ADGRL3: variants seen among roughly 807,000 people sequenced by gnomAD.
ADGRL3 encodes the protein adhesion G protein-coupled receptor L3.
In ADGRL3, 62 loss-of-function variants were observed where a neutral mutation model predicts 153.5. The ratio of observed to expected loss-of-function variants is 0.40; its 90% CI spans 0.33 to 0.50. The LOEUF (loss-of-function observed/expected upper bound fraction) is 0.50. Ranked by LOEUF, ADGRL3 falls within the 20% of genes least tolerant of loss-of-function variation. The pLI is 0.47. For missense variants in ADGRL3, 1,641 were observed against 1,859.4 expected (o/e 0.88, Z 2.16); for synonymous variants, 710 against 672.5 (o/e 1.06, Z -0.86).
In ADGRL3 at chr4:61,892,687, A is replaced by G; in HGVS notation, c.1512A>G (p.Gly504=). Residue 504 remains glycine (G), a synonymous_variant, in exon 10 of 27, where the codon GGA becomes GGG. Transcript: ENST00000683033. ...CTACCACAGGACCTCTTGGCATGGG[A>G]AGCACTACCACCAGTACCACCCTTC... ...DISTTGPLGM[G]STTTSTTLRT... The G allele has an allele frequency of 6.2e-7, 1 of 1,613,950 alleles. No individual in the cohort carries two copies. Among genetic ancestry groups the G allele is most frequent in the East Asian group, 2.2e-5 (1 of 44,876 alleles).
intron 8 of ADGRL3, among the ~76,000 whole-genome samples, chr4:61,771,219 T>G (rs2097082147): frequency 6.6e-6 from 1 of 152,190 alleles, no homozygotes; most frequent in Non-Finnish European, 1.5e-5. Flanking sequence ...GTGGGCATGT[T>G]TAGGCAAGAC....
intron 4 of ADGRL3, among the ~76,000 whole-genome samples, chr4:61,545,640 A>T: frequency 6.6e-6 from 1 of 152,050 alleles, no homozygotes; most frequent in East Asian, 1.9e-4. Flanking sequence ...CAGCTTCCTG[A>T]GTAGCTGGGA....
intron 9 of ADGRL3, among the ~76,000 whole-genome samples, chr4:61,845,120 A>C (rs983511427): frequency 6.6e-6 from 1 of 152,144 alleles, no homozygotes; most frequent in Non-Finnish European, 1.5e-5. Context: ...TCTGTTTGAT[A>C]ATCTTTATTA....
At chr4:61,579,193 T>A (rs1579644919) in intron 4 of ADGRL3, among the ~76,000 whole-genome samples, 1 of 152,226 alleles carries the variant, frequency 6.6e-6, no homozygotes, top group East Asian at 1.9e-4. Flanking sequence ...TTATGTGTAA[T>A]AATTCCCAGC....
At chr4:61,445,938 T>C (rs1361513376) in intron 2 of ADGRL3, among the ~76,000 whole-genome samples, 2 of 152,310 alleles carry the variant, frequency 1.3e-5, no homozygotes, top group South Asian at 2.1e-4. Flanking sequence ...ACACAAATAC[T>C]TAGCAGTGTG....
At chr4:61,496,873 G>T (rs548246912) in intron 2 of ADGRL3, among the ~76,000 whole-genome samples, 2 of 145,156 alleles carry the variant, frequency 1.4e-5, no homozygotes, top group Non-Finnish European at 3.0e-5. Flanking sequence ...CCCGGGAGGC[G>T]GAGCTTGCAG....
At chr4:61,465,983 G>A (rs182911292) in intron 2 of ADGRL3, among the ~76,000 whole-genome samples, 172 of 151,672 alleles carry the variant, frequency 1.1e-3, no homozygotes, top group Admixed American at 4.2e-3. Flanking sequence ...TTAGCTAGAC[G>A]TGGCAGCATG....
intron 4 of ADGRL3, among the ~76,000 whole-genome samples, chr4:61,573,752 G>T (rs1279952507): frequency 2.0e-5 from 3 of 151,862 alleles, no homozygotes; most frequent in Admixed American, 6.6e-5. Context: ...ACTTCTTATT[G>T]ACCTATATTC....
At chr4:61,326,599 ATG>A (rs34387631) in intron 1 of ADGRL3, among the ~76,000 whole-genome samples, 13,702 of 140,182 alleles carry the variant, frequency 0.098, 776 homozygotes, top group South Asian at 0.25. Flanking sequence ...ATGCCAGATA[ATG>A]TGTGTGTGTG....
At chr4:61,418,486 C>G (rs975864353) in intron 2 of ADGRL3, among the ~76,000 whole-genome samples, 1 of 151,162 alleles carries the variant, frequency 6.6e-6, no homozygotes, top group Non-Finnish European at 1.5e-5. Flanking sequence ...GTGTGCATTT[C>G]TTCTGTATCT....
In ADGRL3 at chr4:61,947,045, A is replaced by G. The variant is rs2098927973; in HGVS notation, c.2551A>G (p.Thr851Ala). ...HSVIVNSPVI[T>A]AAINKEFSNK... ...TGTTATTGTCAATTCCCCTGTTATT[A>G]CGGCAGCAATAAACAAAGAGTTCAG... The change falls in exon 16 of 27, where the codon ACG (threonine) becomes GCG (alanine). Residue 851 changes from threonine to alanine, a missense_variant. By Grantham distance (58) the Thr-to-Ala change is moderately conservative (BLOSUM62 0). Coordinates refer to ENST00000683033, the MANE Select transcript of ADGRL3 (RefSeq NM_001387552.1). 1 of 1,613,808 alleles carries G rather than the reference A, an allele frequency of 6.2e-7. No individual in the cohort carries two copies. The highest frequency in any genetic ancestry group is 1.1e-5 in the South Asian group (1 of 91,080).
At chr4:62,009,235 G>C (rs1438833068) in intron 21 of ADGRL3, among the ~76,000 whole-genome samples, 2 of 152,070 alleles carry the variant, frequency 1.3e-5, no homozygotes, top group Non-Finnish European at 2.9e-5. Flanking sequence ...TAGCTTTGTT[G>C]TGTAATTTCA....
chr4:61,778,434 A>C (rs1035792432), intron 8 of ADGRL3, among the ~76,000 whole-genome samples: 10 of 152,228 alleles, frequency 6.6e-5, no homozygotes, highest in African/African-American at 2.2e-4. Context: ...ATTAAAAGAA[A>C]ACCGTTAAGT....
chr4:61,832,902 T>C (rs1187995659), intron 9 of ADGRL3, among the ~76,000 whole-genome samples: 1 of 151,522 alleles, frequency 6.6e-6, no homozygotes, highest in Non-Finnish European at 1.5e-5. Flanking sequence ...CAAGCAGTCC[T>C]CTTACCTCAG....
rs1255866578 is a variant in ADGRL3 at position 62,018,349 on chromosome 4, A to G, written c.3396-10506A>G. On this transcript the variant is annotated intron_variant, in intron 21 of 26. Coordinates refer to ENST00000683033, the MANE Select transcript of ADGRL3 (RefSeq NM_001387552.1). ...CAGATTCTTATTGAGTAGATCAGTT[A>G]GGAGACTGAGGGTGTCAGGAGAGGA... 2.0e-5 allele frequency among the ~76,000 whole-genome samples: 3 copies of G among 152,162 alleles called. No homozygotes were observed. In the East Asian group the frequency reaches 5.8e-4, roughly 29 times the overall value.
chr4:61,483,514 G>A (rs548505821), intron 2 of ADGRL3, among the ~76,000 whole-genome samples: 1 of 152,228 alleles, frequency 6.6e-6, no homozygotes, highest in South Asian at 2.1e-4. Flanking sequence ...GAGGTGGGCA[G>A]ATCACCTGAA....
intron 5 of ADGRL3, among the ~76,000 whole-genome samples, chr4:61,650,617 C>A (rs972680146): frequency 2.6e-5 from 4 of 151,918 alleles, no homozygotes; most frequent in African/African-American, 7.3e-5. Context: ...TTTCTGGGTT[C>A]TTTTCCTTTC....
chr4:61,325,735 G>T (rs1389428684), intron 1 of ADGRL3, among the ~76,000 whole-genome samples: 1 of 151,928 alleles, frequency 6.6e-6, no homozygotes. Context: ...TGTTACAGAA[G>T]ATATAAAATA....
At chr4:61,384,220 C>T (rs2096708500) in intron 2 of ADGRL3, among the ~76,000 whole-genome samples, 2 of 151,528 alleles carry the variant, frequency 1.3e-5, no homozygotes, top group African/African-American at 4.8e-5. Flanking sequence ...ATTTCTTTGT[C>T]ATTGTTTTCT....
Sources: gnomAD v4.1 joint callset for allele counts (sites outside exome capture counted in the v4.1 genomes callset) on GRCh38, gnomAD v4.1.1 for gene constraint, MANE v1.5 for transcripts, NCBI Gene and HGNC (gene_info 2026-07-23, HGNC 2026-07-21) for gene names.